Variants in FSTL4 observed in about 807,000 individuals in gnomAD.
The protein encoded by FSTL4 is follistatin like 4, also known as follistatin-related protein 4.
A neutral mutation model predicts 78.2 loss-of-function variants in FSTL4; 28 were observed. That is an observed-to-expected ratio of 0.36 (90% CI 0.27 to 0.49). FSTL4 has a LOEUF of 0.49. FSTL4 is among the 20% of genes least tolerant of loss of function. FSTL4 has a pLI of 0.98. For synonymous variants in FSTL4, 422 were observed against 440.5 expected, an observed-to-expected ratio of 0.96 and a Z score of 0.53; for missense variants, 922 against 1,084.9, an observed-to-expected ratio of 0.85 and a Z score of 2.11.
chr5:133,221,916 T>G (rs1030814071), intron 11 of FSTL4, among the ~76,000 whole-genome samples: 10 of 132,430 alleles, frequency 7.6e-5, no homozygotes, highest in African/African-American at 2.9e-4. Flanking sequence ...TTTTTTTTTT[T>G]TTTTTTTTTT....
At chr5:133,372,390 C>T (rs896155098) in intron 4 of FSTL4, among the ~76,000 whole-genome samples, 4 of 152,068 alleles carry the variant, frequency 2.6e-5, no homozygotes, top group African/African-American at 4.8e-5. Flanking sequence ...CCCCTAAGCA[C>T]GTGACACCAA....
intron 3 of FSTL4, among the ~76,000 whole-genome samples, chr5:133,417,329 G>A (rs1254862298): frequency 6.6e-6 from 1 of 150,564 alleles, no homozygotes; most frequent in African/African-American, 2.5e-5. Context: ...CTGTACTGAA[G>A]CACAGAGAGA....
chr5:133,809,511 C>A, the FSTL4 span, among the ~76,000 whole-genome samples: 65 of 151,996 alleles, frequency 4.3e-4, no homozygotes, highest in African/African-American at 1.5e-3. Context: ...GGCCTGCACC[C>A]CACTTTCAGT....
intron 4 of FSTL4, among the ~76,000 whole-genome samples, chr5:133,396,444 C>A (rs868661026): frequency 6.6e-5 from 10 of 152,142 alleles, no homozygotes; most frequent in Admixed American, 3.3e-4. Flanking sequence ...CCACAGGCCC[C>A]AGCACCTCTT....
the FSTL4 span, among the ~76,000 whole-genome samples, chr5:133,775,526 G>A: frequency 3.3e-5 from 5 of 152,134 alleles, no homozygotes; most frequent in Middle Eastern, 3.2e-3. Flanking sequence ...TGGTATTGAC[G>A]ACAAAAACCA....
intron 6 of FSTL4, among the ~76,000 whole-genome samples, chr5:133,267,164 G>A (rs1481179526): frequency 1.4e-4 from 22 of 152,198 alleles, no homozygotes; most frequent in Admixed American, 1.4e-3. Flanking sequence ...GGGGATAGGG[G>A]AAGAAAAGGG....
intron 4 of FSTL4, among the ~76,000 whole-genome samples, chr5:133,370,711 G>T (rs954499459): frequency 6.6e-6 from 1 of 152,122 alleles, no homozygotes; most frequent in Non-Finnish European, 1.5e-5. Context: ...GCTGTGGGAA[G>T]TGGGGAGAAG....
intron 2 of FSTL4, among the ~76,000 whole-genome samples, chr5:133,601,091 T>A (rs1760857921): frequency 6.6e-6 from 1 of 152,208 alleles, no homozygotes; most frequent in African/African-American, 2.4e-5. Flanking sequence ...GCCTGCAGGC[T>A]GCTCACAGAT....
At chr5:133,403,781 C>A (rs1387990733) in intron 3 of FSTL4, among the ~76,000 whole-genome samples, 1 of 152,158 alleles carries the variant, frequency 6.6e-6, no homozygotes, top group Non-Finnish European at 1.5e-5. Flanking sequence ...TCAGAGACCA[C>A]CTACTCCATC....
At chr5:133,834,189 G>T in the FSTL4 span, among the ~76,000 whole-genome samples, 1 of 152,330 alleles carries the variant, frequency 6.6e-6, no homozygotes, top group East Asian at 1.9e-4. Flanking sequence ...TAAGAGGAGG[G>T]AGTCCAGAGA....
At position 133,242,354 on chromosome 5, in the gene FSTL4, TTGAC is replaced by T. The variant is rs527609539; in HGVS notation, c.894+7052_894+7055del. Among the ~76,000 whole-genome samples, 33 of 152,194 alleles carry T rather than the reference TTGAC, an allele frequency of 2.2e-4. 1 individual carries two copies. Among genetic ancestry groups the T allele is most frequent in the African/African-American group, 7.7e-4 (32 of 41,538 alleles). On this transcript the variant is annotated intron_variant, in intron 7 of 15. Transcript: ENST00000265342. Reference sequence around the variant, plus strand: ...GAGAGGCACCAATCGGCCTCCTTCATTGACTGGGCCTCTGTAGGGAGGCAGTGAG... The same window carrying T: ...GAGAGGCACCAATCGGCCTCCTTCATTGGGCCTCTGTAGGGAGGCAGTGAG...
chr5:133,595,016 C>A (rs751234228), intron 2 of FSTL4, among the ~76,000 whole-genome samples: 4 of 152,192 alleles, frequency 2.6e-5, no homozygotes, highest in Non-Finnish European at 4.4e-5. Flanking sequence ...TTTCTACTGA[C>A]CCTGAAAATT....
At chr5:133,370,896 G>A (rs1339252954) in intron 4 of FSTL4, among the ~76,000 whole-genome samples, 2 of 152,192 alleles carry the variant, frequency 1.3e-5, no homozygotes, top group Non-Finnish European at 2.9e-5. Flanking sequence ...TGGGGTCATC[G>A]AGTGGGTGCT....
At chr5:133,804,169 TC>T in the FSTL4 span, among the ~76,000 whole-genome samples, 1 of 152,198 alleles carries the variant, frequency 6.6e-6, no homozygotes, top group Non-Finnish European at 1.5e-5. Context: ...CTGGAAAGGT[TC>T]CTGTTCTCCA....
At chr5:133,801,684 G>A in the FSTL4 span, among the ~76,000 whole-genome samples, 3 of 152,250 alleles carry the variant, frequency 2.0e-5, no homozygotes, top group African/African-American at 7.2e-5. Context: ...CCCAGGTGCA[G>A]TTAGGGGAAC....
the FSTL4 span, among the ~76,000 whole-genome samples, chr5:133,797,858 C>T: frequency 7.9e-5 from 12 of 151,258 alleles, no homozygotes; most frequent in East Asian, 7.7e-4. Context: ...CCAGTCCCGC[C>T]GCAGGGGACC....
intron 3 of FSTL4, among the ~76,000 whole-genome samples, chr5:133,492,960 T>C (rs1758296595): frequency 6.6e-6 from 1 of 152,092 alleles, no homozygotes; most frequent in Non-Finnish European, 1.5e-5. Context: ...TGTTCAACAA[T>C]TCTCTCTTCA....
the FSTL4 span, among the ~76,000 whole-genome samples, chr5:133,683,449 G>T: frequency 6.6e-6 from 1 of 152,168 alleles, no homozygotes; most frequent in East Asian, 1.9e-4. Context: ...TTAAATTAAT[G>T]ATTTTTCTCC....
chr5:133,473,880 AACTC>A (rs1174089068), intron 3 of FSTL4, among the ~76,000 whole-genome samples: 2 of 152,090 alleles, frequency 1.3e-5, no homozygotes, highest in Admixed American at 6.5e-5. Flanking sequence ...ATCTTGTGCG[AACTC>A]ACTCACTATC....
Sources: gnomAD v4.1 joint callset for allele counts (sites outside exome capture counted in the v4.1 genomes callset) on GRCh38, gnomAD v4.1.1 for gene constraint, MANE v1.5 for transcripts, NCBI Gene and HGNC (gene_info 2026-07-23, HGNC 2026-07-21) for gene names.